Variants in FAM43B observed in about 807,000 individuals in gnomAD.
FAM43B encodes the protein family with sequence similarity 43 member B, also known as protein FAM43B.
FAM43B carries 17 observed loss-of-function variants against 20.1 expected under a neutral mutation model. The observed-to-expected ratio is 0.84, with a 90% confidence interval of 0.58 to 1.27. FAM43B has a LOEUF of 1.27. Among genes scored for constraint, FAM43B ranks in the 50% most tolerant of loss-of-function variants. FAM43B has a pLI of 0.00. For missense variants in FAM43B, 512 were observed against 516.7 expected (o/e 0.99, Z 0.09); for synonymous variants, 208 against 238.5 (o/e 0.87, Z 1.18).
chr1:20,553,219 C>T lies in FAM43B; in HGVS notation c.246C>T (p.Thr82=). 1 of 1,613,504 alleles carries T rather than the reference C, an allele frequency of 6.2e-7. No individual in the cohort carries two copies. The highest frequency in any genetic ancestry group is 8.5e-7 in the Non-Finnish European group (1 of 1,179,852). The stretch of plus-strand genomic sequence containing the variant: ...TGTGGTACCTGGGCAACGCCGTCAC[C>T]CTGCACGCCAAGGGCGACGGCTGCA... The part of the protein sequence containing the change: ...YTVWYLGNAV[T]LHAKGDGCTD... Residue 82 remains threonine, a synonymous_variant, in exon 1 of 1, where the codon ACC becomes ACT. Coordinates refer to ENST00000332947, the MANE Select transcript of FAM43B (RefSeq NM_207334.3). The surrounding 1 kb of genome is among the most constrained non-coding windows in gnomAD (Gnocchi z 6.5).
rs748304040 is a variant in FAM43B, at chr1:20,553,314, T to TG, written c.345dup (p.Pro116AlafsTer270). The TG allele has an allele frequency of 6.3e-7, 1 of 1,582,256 alleles. No homozygotes were observed. The highest frequency in any genetic ancestry group is 8.6e-7 in the Non-Finnish European group (1 of 1,165,832). ...GGGGGCACTAAGATGAAGCTGACGC[T>TG]GGGGCCGCACGGCATCCGCATGCAG... is the stretch of plus-strand genomic sequence containing the variant. On this transcript the variant is annotated frameshift_variant, in exon 1 of 1. Coordinates refer to ENST00000332947, the MANE Select transcript of FAM43B (RefSeq NM_207334.3). LOFTEE classifies it high-confidence loss of function. This position sits in a 1 kb window ranked among gnomAD's most constrained non-coding sequence, Gnocchi z 6.5.
At position 20,553,858 on chromosome 1, in the gene FAM43B, G is replaced by A; in HGVS notation, c.885G>A (p.Arg295=). 7.0e-7 allele frequency: 1 copy of A among 1,419,972 alleles called. No individual in the cohort carries two copies. The highest frequency in any genetic ancestry group is 9.3e-7 in the Non-Finnish European group (1 of 1,078,030). The allele number at this position is 1,419,972 out of a possible 1,614,324, so 88.0% of individuals were successfully genotyped here. The change falls in exon 1 of 1, where the codon CGG becomes CGA. Residue 295 remains arginine, a synonymous_variant. Coordinates refer to ENST00000332947, the MANE Select transcript of FAM43B (RefSeq NM_207334.3). The surrounding 1 kb of genome is among the most constrained non-coding windows in gnomAD (Gnocchi z 6.5). ...GGCCGGAGGTGCTCAGCCTGGCCCG[G>A]GAGCTGAGGACGTGCAGCCTGCGGG... The part of the protein sequence containing the change: ...RERPEVLSLA[R]ELRTCSLRGA...
rs1450587571 is a variant in FAM43B at position 20,553,065 on chromosome 1, C to T, written c.92C>T (p.Ser31Leu). 6.2e-7 allele frequency: 1 copy of T among 1,613,314 alleles called. No homozygotes were observed. Among genetic ancestry groups the T allele is most frequent in the African/African-American group, 1.3e-5 (1 of 74,938 alleles). ...CTGAGTCCGGGGCTCGCCTACACGTCGCTGCTCTCCAGCTTCCTGCGCTCC... is the reference window on the plus strand; with the variant it reads ...CTGAGTCCGGGGCTCGCCTACACGTTGCTGCTCTCCAGCTTCCTGCGCTCC... Reference protein sequence around the residue: ...KSLSPGLAYTSLLSSFLRSCP... With the variant: ...KSLSPGLAYTLLLSSFLRSCP... Residue 31 changes from serine (S) to leucine (L), a missense_variant, in exon 1 of 1, where the codon TCG (serine) becomes TTG (leucine). By Grantham distance (145) the Ser-to-Leu change is moderately radical. Transcript: ENST00000332947. This position sits in a 1 kb window ranked among gnomAD's most constrained non-coding sequence, Gnocchi z 6.5.
rs145675016 is a variant in FAM43B at position 20,553,055 on chromosome 1, G to A, written c.82G>A (p.Ala28Thr). ...CKAKSLSPGL[A>T]YTSLLSSFLR... The stretch of plus-strand genomic sequence containing the variant: ...GGCGAAGAGCCTGAGTCCGGGGCTC[G>A]CCTACACGTCGCTGCTCTCCAGCTT... The change falls in exon 1 of 1, where the codon GCC becomes ACC. Residue 28 changes from alanine (A) to threonine (T), a missense_variant. Transcript: ENST00000332947. This position sits in a 1 kb window ranked among gnomAD's most constrained non-coding sequence, Gnocchi z 6.5. 1.3e-4 allele frequency: 202 copies of A among 1,613,144 alleles called. 1 individual carries two copies. The East Asian group carries it at 4.4e-3, about 35-fold the overall frequency.
In FAM43B at chr1:20,554,073, G is replaced by A. The variant is rs916558262; in HGVS notation, c.*110G>A. The A allele has an allele frequency of 2.6e-6, 3 of 1,146,002 alleles. No individual in the cohort carries two copies. The highest frequency in any genetic ancestry group is 4.7e-5 in the Admixed American group (1 of 21,366). The allele number at this position is 1,146,002 out of a possible 1,614,324, so 71.0% of individuals were successfully genotyped here. Reference sequence around the variant, plus strand: ...CCGGCCCCCGGCCCGTGTCTCCCCCGTGGTCTCCGTGTTGTCCGCCCCGCC... The same window carrying A: ...CCGGCCCCCGGCCCGTGTCTCCCCCATGGTCTCCGTGTTGTCCGCCCCGCC... On this transcript the variant is annotated 3_prime_UTR_variant, in exon 1 of 1. Coordinates refer to ENST00000332947, the MANE Select transcript of FAM43B (RefSeq NM_207334.3).
chr1:20,553,785 A>G lies in FAM43B; in HGVS notation c.812A>G (p.Glu271Gly). The G allele has an allele frequency of 6.8e-7, 1 of 1,473,508 alleles. No homozygotes were observed. Among genetic ancestry groups the G allele is most frequent in the South Asian group, 1.3e-5 (1 of 79,074 alleles). 91.3% of individuals were successfully genotyped at this position (1,473,508 alleles called of 1,614,324 possible). A position where few individuals can be genotyped will look rare whatever the true frequency, so the allele number is the denominator to read the frequency against. The change falls in exon 1 of 1, where the codon GAG (glutamate) becomes GGG (glycine). Residue 271 changes from glutamate to glycine, a missense_variant. Coordinates refer to ENST00000332947, the MANE Select transcript of FAM43B (RefSeq NM_207334.3). The surrounding 1 kb of genome is among the most constrained non-coding windows in gnomAD (Gnocchi z 6.5). ...ATCCAGGAGGAGGACGAGGAGGAGGAGGAGGACGACGCGGAGGAGCAAGAG... is the reference window on the plus strand; with the variant it reads ...ATCCAGGAGGAGGACGAGGAGGAGGGGGAGGACGACGCGGAGGAGCAAGAG... ...SSIQEEDEEE[E>G]EDDAEEQEGG...
At position 20,553,819 on chromosome 1, in the gene FAM43B, C is replaced by T; in HGVS notation, c.846C>T (p.Val282=). Residue 282 remains valine, a synonymous_variant, in exon 1 of 1, where the codon GTC becomes GTT. Transcript: ENST00000332947. This position sits in a 1 kb window ranked among gnomAD's most constrained non-coding sequence, Gnocchi z 6.5. ...EDDAEEQEGG[V]PQRERPEVLS... is the part of the protein sequence containing the mutation. Reference sequence around the variant, plus strand: ...ACGCGGAGGAGCAAGAGGGAGGAGTCCCCCAGCGCGAGCGGCCGGAGGTGC... The same window carrying T: ...ACGCGGAGGAGCAAGAGGGAGGAGTTCCCCAGCGCGAGCGGCCGGAGGTGC... 6.8e-7 allele frequency: 1 copy of T among 1,465,870 alleles called. No individual in the cohort carries two copies. Among genetic ancestry groups the T allele is most frequent in the Non-Finnish European group, 9.1e-7 (1 of 1,103,214 alleles). 90.8% of individuals were successfully genotyped at this position (1,465,870 alleles called of 1,614,324 possible).
At position 20,553,293 on chromosome 1, in the gene FAM43B, G is replaced by C. The variant is rs1341229758; in HGVS notation, c.320G>C (p.Gly107Ala). ...TGGGCTCGCTGCGGGCCTGGCGGGG[G>C]CACTAAGATGAAGCTGACGCTGGGG... ...KIWARCGPGG[G>A]TKMKLTLGPH... Residue 107 changes from glycine (G) to alanine (A), a missense_variant, in exon 1 of 1, where the codon GGC becomes GCC. Transcript: ENST00000332947. The surrounding 1 kb of genome is among the most constrained non-coding windows in gnomAD (Gnocchi z 6.5). The C allele has an allele frequency of 2.9e-5, 46 of 1,602,812 alleles. No homozygotes were observed. Among genetic ancestry groups the C allele is most frequent in the Non-Finnish European group, 3.8e-5 (45 of 1,175,494 alleles).
chr1:20,553,749 GC>G lies in FAM43B; in HGVS notation c.778del (p.Leu260SerfsTer38). ...AGCGAGCGCAGCCGCGGGGCGCCGC[GC>G]CTCAGCAGCATCCAGGAGGAGGACG... The part of the protein sequence containing the change: ...PPSERSRGAP[R>X]LSSIQEEDEE... On this transcript the variant is annotated frameshift_variant, in exon 1 of 1. Coordinates refer to ENST00000332947, the MANE Select transcript of FAM43B (RefSeq NM_207334.3). LOFTEE classifies it high-confidence loss of function. The surrounding 1 kb of genome is among the most constrained non-coding windows in gnomAD (Gnocchi z 6.5). 5 of 1,468,336 alleles carry G rather than the reference GC, an allele frequency of 3.4e-6. No individual in the cohort carries two copies. Among genetic ancestry groups the G allele is most frequent in the Non-Finnish European group, 4.5e-6 (5 of 1,105,392 alleles). The allele number at this position is 1,468,336 out of a possible 1,614,324, so 91.0% of individuals were successfully genotyped here.
In FAM43B at chr1:20,553,705, C is replaced by T; in HGVS notation, c.732C>T (p.Cys244=). The change falls in exon 1 of 1, where the codon TGC becomes TGT. Residue 244 remains cysteine (C), a synonymous_variant. Coordinates refer to ENST00000332947, the MANE Select transcript of FAM43B (RefSeq NM_207334.3). The surrounding 1 kb of genome is among the most constrained non-coding windows in gnomAD (Gnocchi z 6.5). ...TGCGCCGCCTGCTCAATGCCAAGTG[C>T]GCCTACCGGCCGCCGCCGAGCGAGC... ...APLRRLLNAK[C]AYRPPPSERS... is the part of the protein sequence containing the mutation. The T allele has an allele frequency of 1.4e-6, 2 of 1,446,338 alleles. No individual in the cohort carries two copies. The highest frequency in any genetic ancestry group is 9.1e-7 in the Non-Finnish European group (1 of 1,096,522). The allele number at this position is 1,446,338 out of a possible 1,614,324, so 89.6% of individuals were successfully genotyped here. A position where few individuals can be genotyped will look rare whatever the true frequency, so the allele number is the denominator to read the frequency against.
In FAM43B at chr1:20,553,155, A is replaced by G. The variant is rs2052150111; in HGVS notation, c.182A>G (p.Gln61Arg). The change falls in exon 1 of 1, where the codon CAG becomes CGG. Residue 61 changes from glutamine (Q) to arginine (R), a missense_variant. By Grantham distance (43) the Gln-to-Arg change is conservative. Transcript: ENST00000332947. This position sits in a 1 kb window ranked among gnomAD's most constrained non-coding sequence, Gnocchi z 6.5. ...RLGRVFRSRR[Q>R]KVELNKEDPT... ...GGCCGTGTGTTCCGCAGCCGGCGCC[A>G]GAAAGTGGAGCTCAACAAGGAGGAC... 6.2e-7 allele frequency: 1 copy of G among 1,613,648 alleles called. No homozygotes were observed. The highest frequency in any genetic ancestry group is 2.2e-5 in the East Asian group (1 of 44,862).
Position 20,552,896 on chromosome 1 carries a change from C to A in FAM43B, c.-78C>A. 6.6e-7 allele frequency: 1 copy of A among 1,522,008 alleles called. No individual in the cohort carries two copies. Among genetic ancestry groups the A allele is most frequent in the Non-Finnish European group, 8.8e-7 (1 of 1,131,222 alleles). The allele number at this position is 1,522,008 out of a possible 1,614,324, so 94.3% of individuals were successfully genotyped here. A position where few individuals can be genotyped will look rare whatever the true frequency, so the allele number is the denominator to read the frequency against. Reference sequence around the variant, plus strand: ...GCGACTCCAGGGCGGTGGACTTCTGCGCGCCTTCCCTCCCCCGGTCTCCCG... The same window carrying A: ...GCGACTCCAGGGCGGTGGACTTCTGAGCGCCTTCCCTCCCCCGGTCTCCCG... On this transcript the variant is annotated 5_prime_UTR_variant, in exon 1 of 1. Coordinates refer to ENST00000332947, the MANE Select transcript of FAM43B (RefSeq NM_207334.3).
chr1:20,552,875 C>A lies in FAM43B; in HGVS notation c.-99C>A. 7.0e-7 allele frequency: 1 copy of A among 1,425,760 alleles called. No individual in the cohort carries two copies. The highest frequency in any genetic ancestry group is 9.4e-7 in the Non-Finnish European group (1 of 1,058,668). The allele number at this position is 1,425,760 out of a possible 1,614,324, so 88.3% of individuals were successfully genotyped here. A position where few individuals can be genotyped will look rare whatever the true frequency, so the allele number is the denominator to read the frequency against. On this transcript the variant is annotated 5_prime_UTR_variant, in exon 1 of 1. Transcript: ENST00000332947. ...CCCGGCCCTGCCCAGCTTCTCGCGACTCCAGGGCGGTGGACTTCTGCGCGC... is the reference window on the plus strand; with the variant it reads ...CCCGGCCCTGCCCAGCTTCTCGCGAATCCAGGGCGGTGGACTTCTGCGCGC...
chr1:20,553,738 C>T lies in FAM43B; in HGVS notation c.765C>T (p.Arg255=). Residue 255 remains arginine, a synonymous_variant, in exon 1 of 1, where the codon CGC becomes CGT. Transcript: ENST00000332947. This position sits in a 1 kb window ranked among gnomAD's most constrained non-coding sequence, Gnocchi z 6.5. Reference sequence around the variant, plus strand: ...GGCCGCCGCCGAGCGAGCGCAGCCGCGGGGCGCCGCGCCTCAGCAGCATCC... The same window carrying T: ...GGCCGCCGCCGAGCGAGCGCAGCCGTGGGGCGCCGCGCCTCAGCAGCATCC... ...AYRPPPSERS[R]GAPRLSSIQE... The T allele has an allele frequency of 6.8e-7, 1 of 1,464,468 alleles. No homozygotes were observed. Among genetic ancestry groups the T allele is most frequent in the Non-Finnish European group, 9.1e-7 (1 of 1,103,996 alleles). The allele number at this position is 1,464,468 out of a possible 1,614,324, so 90.7% of individuals were successfully genotyped here. A position where few individuals can be genotyped will look rare whatever the true frequency, so the allele number is the denominator to read the frequency against.
In FAM43B at chr1:20,553,642, C is replaced by A; in HGVS notation, c.669C>A (p.Arg223=). 1 of 1,285,208 alleles carries A rather than the reference C, an allele frequency of 7.8e-7. No individual in the cohort carries two copies. The allele number at this position is 1,285,208 out of a possible 1,614,324, so 79.6% of individuals were successfully genotyped here. The change falls in exon 1 of 1, where the codon CGC becomes CGA. Residue 223 remains arginine (R), a synonymous_variant. Transcript: ENST00000332947. This position sits in a 1 kb window ranked among gnomAD's most constrained non-coding sequence, Gnocchi z 6.5. ...GCCACGTGCGCCAGCAGCATCTCCG[C>A]GCTGGGGGCGCCGCCGCCTCGGTGC... ...DARHVRQQHL[R]AGGAAASVPR... is the part of the protein sequence containing the mutation.
rs746319311 is a variant in FAM43B at position 20,553,044 on chromosome 1, G to A, written c.71G>A (p.Ser24Asn). The A allele has an allele frequency of 6.2e-7, 1 of 1,613,634 alleles. No homozygotes were observed. The highest frequency in any genetic ancestry group is 1.1e-5 in the South Asian group (1 of 91,080). ...GCCAAGTGCAAGGCGAAGAGCCTGA[G>A]TCCGGGGCTCGCCTACACGTCGCTG... is the stretch of plus-strand genomic sequence containing the variant. ...DEAKCKAKSL[S>N]PGLAYTSLLS... Residue 24 changes from serine (S) to asparagine (N), a missense_variant, in exon 1 of 1, where the codon AGT (serine) becomes AAT (asparagine). Coordinates refer to ENST00000332947, the MANE Select transcript of FAM43B (RefSeq NM_207334.3). The surrounding 1 kb of genome is among the most constrained non-coding windows in gnomAD (Gnocchi z 6.5).
In FAM43B at chr1:20,553,674, C is replaced by A; in HGVS notation, c.701C>A (p.Ala234Asp). The A allele has an allele frequency of 7.4e-7, 1 of 1,346,994 alleles. No homozygotes were observed. The highest frequency in any genetic ancestry group is 9.5e-7 in the Non-Finnish European group (1 of 1,049,690). The allele number at this position is 1,346,994 out of a possible 1,614,324, so 83.4% of individuals were successfully genotyped here. A position where few individuals can be genotyped will look rare whatever the true frequency, so the allele number is the denominator to read the frequency against. Residue 234 changes from alanine (A) to aspartate (D), a missense_variant, in exon 1 of 1, where the codon GCC becomes GAC. By Grantham distance (126) the Ala-to-Asp change is moderately radical. Coordinates refer to ENST00000332947, the MANE Select transcript of FAM43B (RefSeq NM_207334.3). This position sits in a 1 kb window ranked among gnomAD's most constrained non-coding sequence, Gnocchi z 6.5. ...AGGAAASVPR[A>D]PLRRLLNAKC... ...GGCGCCGCCGCCTCGGTGCCCCGCG[C>A]CCCACTGCGCCGCCTGCTCAATGCC...
chr1:20,552,773 C>G lies in FAM43B; in HGVS notation c.-201C>G, dbSNP rs2052145284. On this transcript the variant is annotated 5_prime_UTR_variant, in exon 1 of 1. Coordinates refer to ENST00000332947, the MANE Select transcript of FAM43B (RefSeq NM_207334.3). ...CACTCGGCCGCCGTCCGCACCTCGG[C>G]TGCTGGCCCGGCTGGGCACCGGGCA... is the stretch of plus-strand genomic sequence containing the variant. 1.5e-6 allele frequency: 1 copy of G among 658,678 alleles called. No individual in the cohort carries two copies. The highest frequency in any genetic ancestry group is 1.9e-5 in the African/African-American group (1 of 53,934). 40.8% of individuals were successfully genotyped at this position (658,678 alleles called of 1,614,324 possible). A position where few individuals can be genotyped will look rare whatever the true frequency, so the allele number is the denominator to read the frequency against.
chr1:20,553,418 T>G lies in FAM43B; in HGVS notation c.445T>G (p.Cys149Gly). The G allele has an allele frequency of 6.9e-7, 1 of 1,446,304 alleles. No individual in the cohort carries two copies. Among genetic ancestry groups the G allele is most frequent in the Non-Finnish European group, 9.0e-7 (1 of 1,112,216 alleles). 89.6% of individuals were successfully genotyped at this position (1,446,304 alleles called of 1,614,324 possible). A position where few individuals can be genotyped will look rare whatever the true frequency, so the allele number is the denominator to read the frequency against. Residue 149 changes from cysteine to glycine, a missense_variant, in exon 1 of 1, where the codon TGC (cysteine) becomes GGC (glycine). Coordinates refer to ENST00000332947, the MANE Select transcript of FAM43B (RefSeq NM_207334.3). The surrounding 1 kb of genome is among the most constrained non-coding windows in gnomAD (Gnocchi z 6.5). The part of the protein sequence containing the change: ...HAYLLPRITY[C>G]TADGRHPRVF... ...CTACCTGCTGCCGCGCATCACCTACTGCACGGCGGACGGGCGCCACCCGCG... is the reference window on the plus strand; with the variant it reads ...CTACCTGCTGCCGCGCATCACCTACGGCACGGCGGACGGGCGCCACCCGCG...
Sources: allele counts gnomAD v4.1 joint callset, GRCh38; gene constraint gnomAD v4.1.1; non-coding constraint Gnocchi (gnomAD v3.1); transcripts MANE v1.5; gene names NCBI Gene and HGNC (gene_info 2026-07-23, HGNC 2026-07-21).